CAMSAP2: variants seen among roughly 807,000 people sequenced by gnomAD.
CAMSAP2 encodes the protein calmodulin-regulated spectrin-associated protein 2.
A neutral mutation model predicts 146.1 loss-of-function variants in CAMSAP2; 26 were observed. The observed-to-expected ratio is 0.18, with a 90% confidence interval of 0.13 to 0.25. The LOEUF is 0.25. Among genes scored for constraint, CAMSAP2 ranks in the 10% least tolerant of loss-of-function variants. CAMSAP2 has a pLI of 1.00. For synonymous variants in CAMSAP2, 499 were observed against 596.6 expected (o/e 0.84, Z 2.38); for missense variants, 1,381 against 1,759.3 (o/e 0.78, Z 3.85).
chr1:200,787,535 G>C (rs909583509), intron 2 of CAMSAP2, among the ~76,000 whole-genome samples: 3 of 152,210 alleles, frequency 2.0e-5, no homozygotes, highest in Non-Finnish European at 4.4e-5. Flanking sequence ...GCTTCTTACA[G>C]ATGAGCAAAG....
intron 3 of CAMSAP2, among the ~76,000 whole-genome samples, chr1:200,811,876 C>T (rs541533703): frequency 1.3e-5 from 2 of 152,318 alleles, no homozygotes; most frequent in South Asian, 2.1e-4. Flanking sequence ...TTTCTCACTT[C>T]TTTGACTTCC....
intron 2 of CAMSAP2, among the ~76,000 whole-genome samples, chr1:200,788,851 T>C (rs1038248206): frequency 1.3e-5 from 2 of 151,168 alleles, no homozygotes; most frequent in Non-Finnish European, 2.9e-5. Context: ...GGAGTTTCAC[T>C]ATGCTGGCCA....
At chr1:200,794,680 A>G (rs1268401851) in intron 2 of CAMSAP2, among the ~76,000 whole-genome samples, 2 of 152,184 alleles carry the variant, frequency 1.3e-5, no homozygotes, top group East Asian at 3.8e-4. Context: ...GTCAAGTTGT[A>G]TTGCCTCCTG....
rs201741483 is a variant in CAMSAP2 at position 200,760,987 on chromosome 1, C to G, written c.288C>G (p.Pro96=). 40 of 1,613,986 alleles carry G rather than the reference C, an allele frequency of 2.5e-5. No homozygotes were observed. Among genetic ancestry groups the G allele is most frequent in the Non-Finnish European group, 3.1e-5 (37 of 1,180,032 alleles). ...TTCTCAAGAGTGATGCTGCAAAACC[C>G]CTTTTGGGCCATGATGCTGTAATCC... ...SLILKSDAAK[P]LLGHDAVIQA... Residue 96 remains proline, a synonymous_variant, in exon 2 of 17, where the codon CCC becomes CCG. Transcript: ENST00000358823.
intron 2 of CAMSAP2, among the ~76,000 whole-genome samples, chr1:200,803,621 A>C (rs895522025): frequency 3.3e-5 from 5 of 152,070 alleles, no homozygotes; most frequent in Non-Finnish European, 7.4e-5. Context: ...TAAGAAGTAA[A>C]AAAAAAAAAT....
At chr1:200,767,477 CTT>C (rs11298176) in intron 2 of CAMSAP2, among the ~76,000 whole-genome samples, 246 of 138,080 alleles carry the variant, frequency 1.8e-3, no homozygotes, top group East Asian at 2.9e-3. Flanking sequence ...TGTTGTCCCT[CTT>C]TTTTTTTTTT....
intron 1 of CAMSAP2, among the ~76,000 whole-genome samples, chr1:200,746,848 G>C (rs1157810237): frequency 6.6e-6 from 1 of 151,926 alleles, no homozygotes; most frequent in Non-Finnish European, 1.5e-5. Flanking sequence ...TTGATCTCCC[G>C]ACCTCGTGAT....
At chr1:200,844,408 C>T (rs1372231379) in intron 7 of CAMSAP2, among the ~76,000 whole-genome samples, 4 of 151,806 alleles carry the variant, frequency 2.6e-5, no homozygotes, top group Admixed American at 6.6e-5. Context: ...ATTAGCTGAG[C>T]GTGGTGGCGG....
intron 1 of CAMSAP2, among the ~76,000 whole-genome samples, chr1:200,741,369 G>T (rs140680884): frequency 1.7e-3 from 255 of 152,294 alleles, no homozygotes; most frequent in African/African-American, 6.1e-3. Context: ...AAGTGTTACT[G>T]CCTTTATATA....
At chr1:200,804,405 TG>T (rs1316389134) in intron 2 of CAMSAP2, among the ~76,000 whole-genome samples, 1 of 152,196 alleles carries the variant, frequency 6.6e-6, no homozygotes, top group African/African-American at 2.4e-5. Flanking sequence ...GGTTGGATAT[TG>T]TTTTCTTTCT....
chr1:200,797,120 G>A (rs528150760), intron 2 of CAMSAP2, among the ~76,000 whole-genome samples: 150 of 152,024 alleles, frequency 9.9e-4, no homozygotes, highest in African/African-American at 3.3e-3. Context: ...GAATAATGCC[G>A]CAATAAACAT....
At chr1:200,786,191 CTCTT>C (rs1243585093) in intron 2 of CAMSAP2, among the ~76,000 whole-genome samples, 1 of 151,970 alleles carries the variant, frequency 6.6e-6, no homozygotes, top group African/African-American at 2.4e-5. Flanking sequence ...TAAAAACCAG[CTCTT>C]TGTTTCAGTT....
chr1:200,817,053 T>TGG (rs1481531183), intron 4 of CAMSAP2, among the ~76,000 whole-genome samples: 3 of 142,234 alleles, frequency 2.1e-5, no homozygotes, highest in African/African-American at 5.1e-5. Context: ...CACGTGTATG[T>TGG]GTATACACAC....
At chr1:200,833,380 G>A (rs1667095156) in intron 6 of CAMSAP2, among the ~76,000 whole-genome samples, 1 of 152,068 alleles carries the variant, frequency 6.6e-6, no homozygotes. Flanking sequence ...GGGCAACATG[G>A]TGAAACCCCA....
At position 200,845,571 on chromosome 1, in the gene CAMSAP2, G is replaced by A. The variant is rs532290310; in HGVS notation, c.1109+702G>A. Among the ~76,000 whole-genome samples, 17 of 152,248 alleles carry A rather than the reference G, an allele frequency of 1.1e-4. No homozygotes were observed. In the East Asian group the frequency reaches 1.2e-3, roughly 10 times the overall value. ...GCATACTGGCATGTATAGAAAATGC[G>A]GAATAAGCTCCTCCTTGGATGGGAT... On this transcript the variant is annotated intron_variant, in intron 8 of 16. Coordinates refer to ENST00000358823, the MANE Select transcript of CAMSAP2 (RefSeq NM_203459.4).
At chr1:200,855,598 ATTAAT>A (rs1667727744) in intron 14 of CAMSAP2, among the ~76,000 whole-genome samples, 1 of 145,620 alleles carries the variant, frequency 6.9e-6, no homozygotes, top group South Asian at 2.3e-4. Context: ...ATTTTTTATT[ATTAAT>A]TTTTTTTTTT....
At chr1:200,802,760 G>A (rs1036403879) in intron 2 of CAMSAP2, among the ~76,000 whole-genome samples, 3 of 151,862 alleles carry the variant, frequency 2.0e-5, no homozygotes, top group Admixed American at 1.3e-4. Flanking sequence ...TAATTTATGA[G>A]GCTAAAAATT....
In CAMSAP2 at chr1:200,848,819, G is replaced by A; in HGVS notation, c.2050G>A (p.Val684Ile). The stretch of plus-strand genomic sequence containing the variant: ...CAGCAGTGCTTCTTCTAGTTCTGGA[G>A]TTAAAATGACCAGCTTTGCTGAACA... ...PGSSASSSSG[V>I]KMTSFAEQKF... Residue 684 changes from valine to isoleucine, a missense_variant, in exon 11 of 17, where the codon GTT becomes ATT. Val to Ile is a conservative substitution (Grantham distance 29). This residue lies in a region of CAMSAP2 where 447 missense variants were observed against 462.2 expected (regional missense o/e 0.97). Transcript: ENST00000358823. The A allele has an allele frequency of 1.2e-6, 2 of 1,614,158 alleles. No individual in the cohort carries two copies. Among genetic ancestry groups the A allele is most frequent in the South Asian group, 2.2e-5 (2 of 91,086 alleles).
chr1:200,811,445 C>G (rs1053779989), intron 3 of CAMSAP2, among the ~76,000 whole-genome samples: 3 of 152,164 alleles, frequency 2.0e-5, no homozygotes, highest in Admixed American at 1.3e-4. Flanking sequence ...CTCCTGCCAA[C>G]CAGACTACAG....
Sources: gnomAD v4.1 joint callset for allele counts (sites outside exome capture counted in the v4.1 genomes callset) on GRCh38, gnomAD v4.1.1 for gene constraint, gnomAD v4.1.1 regional missense constraint, MANE v1.5 for transcripts, NCBI Gene and HGNC (gene_info 2026-07-23, HGNC 2026-07-21) for gene names.